Variants in FBXL20 observed in about 807,000 individuals in gnomAD.
FBXL20 encodes F-box/LRR-repeat protein 20.
Under a neutral mutation model 64.0 loss-of-function variants are expected in FBXL20, and 11 were observed. The observed-to-expected ratio is 0.17, with a 90% confidence interval of 0.11 to 0.28. The LOEUF (loss-of-function observed/expected upper bound fraction) is 0.28. Among genes scored for constraint, FBXL20 ranks in the 10% least tolerant of loss-of-function variants. The pLI is 1.00. For missense variants in FBXL20, 303 were observed against 526.2 expected (o/e 0.58, Z 4.15); for synonymous variants, 184 against 189.0 (o/e 0.97, Z 0.22).
chr17:39,272,456 C>A (rs566828546), intron 10 of FBXL20, among the ~76,000 whole-genome samples: 1 of 149,592 alleles, frequency 6.7e-6, no homozygotes, highest in African/African-American at 2.5e-5. Context: ...GCCTGTAATC[C>A]CAGAACTTTG....
chr17:39,259,508 A>G lies in FBXL20; in HGVS notation c.*1952T>C, dbSNP rs2046726036. 6.6e-6 allele frequency: 1 copy of G among 152,006 alleles called. No homozygotes were observed. Among genetic ancestry groups the G allele is most frequent in the South Asian group, 2.1e-4 (1 of 4,826 alleles). The allele number at this position is 152,006 out of a possible 1,614,324, so 9.4% of individuals were successfully genotyped here. A position where few individuals can be genotyped will look rare whatever the true frequency, so the allele number is the denominator to read the frequency against. On this transcript the variant is annotated 3_prime_UTR_variant, in exon 15 of 15. Coordinates refer to ENST00000264658, the MANE Select transcript of FBXL20 (RefSeq NM_032875.3). Reference sequence around the variant, plus strand: ...TTTAAAAACTCATTTTACTTCCTTTATCCTCTGATTTTTTGGGAAGACAGA... The same window carrying G: ...TTTAAAAACTCATTTTACTTCCTTTGTCCTCTGATTTTTTGGGAAGACAGA...
chr17:39,394,048 T>C (rs1283361943), intron 1 of FBXL20, among the ~76,000 whole-genome samples: 1 of 152,146 alleles, frequency 6.6e-6, no homozygotes, highest in Non-Finnish European at 1.5e-5. Context: ...GAGCCAATAT[T>C]TGGGTGGGAG....
chr17:39,390,486 G>A (rs2048123629), intron 1 of FBXL20, among the ~76,000 whole-genome samples: 1 of 151,864 alleles, frequency 6.6e-6, no homozygotes, highest in Non-Finnish European at 1.5e-5. Context: ...ACTTTAACCT[G>A]GGAGGCAGAG....
intron 1 of FBXL20, among the ~76,000 whole-genome samples, chr17:39,347,909 T>C (rs913358541): frequency 2.0e-5 from 3 of 152,142 alleles, no homozygotes; most frequent in South Asian, 2.1e-4. Context: ...TTTCTACATA[T>C]GGCAAGCCAG....
chr17:39,397,283 T>C (rs532462408), intron 1 of FBXL20, among the ~76,000 whole-genome samples: 1 of 152,288 alleles, frequency 6.6e-6, no homozygotes, highest in South Asian at 2.1e-4. Context: ...TTGCACATAA[T>C]ATTACAGATT....
chr17:39,344,450 A>G (rs1175166049), intron 1 of FBXL20, among the ~76,000 whole-genome samples: 1 of 152,054 alleles, frequency 6.6e-6, no homozygotes, highest in Non-Finnish European at 1.5e-5. Context: ...CTTGGCTCAC[A>G]TTTACTTGCT....
intron 11 of FBXL20, among the ~76,000 whole-genome samples, chr17:39,269,411 T>C (rs1218205701): frequency 2.6e-5 from 4 of 151,980 alleles, no homozygotes; most frequent in Non-Finnish European, 4.4e-5. Flanking sequence ...GCCAGGATGG[T>C]CTCGATCTCC....
chr17:39,342,191 A>T (rs1422143968), intron 2 of FBXL20, among the ~76,000 whole-genome samples: 1 of 152,152 alleles, frequency 6.6e-6, no homozygotes, highest in East Asian at 1.9e-4. Context: ...AGAAGTAATA[A>T]AAAATAAAAA....
At chr17:39,315,834 AG>A (rs2047284516) in intron 2 of FBXL20, among the ~76,000 whole-genome samples, 5 of 43,026 alleles carry the variant, frequency 1.2e-4, no homozygotes, top group Admixed American at 1.1e-3. Flanking sequence ...AGAGACAGAG[AG>A]AGAGAGAGAG....
intron 2 of FBXL20, among the ~76,000 whole-genome samples, chr17:39,308,914 A>G (rs2047207438): frequency 1.3e-5 from 2 of 151,946 alleles, no homozygotes; most frequent in South Asian, 4.2e-4. Context: ...CCATTCATAC[A>G]AGTATTATAG....
intron 2 of FBXL20, among the ~76,000 whole-genome samples, chr17:39,316,314 C>CACA (rs1195817325): frequency 1.3e-5 from 2 of 151,884 alleles, no homozygotes; most frequent in Non-Finnish European, 2.9e-5. Flanking sequence ...CACACACACA[C>CACA]ATTTTTTTCT....
chr17:39,352,717 A>T (rs1345581452), intron 1 of FBXL20, among the ~76,000 whole-genome samples: 1 of 151,702 alleles, frequency 6.6e-6, no homozygotes, highest in Non-Finnish European at 1.5e-5. Flanking sequence ...AAAAAAAAGG[A>T]AAGAAATACT....
intron 1 of FBXL20, among the ~76,000 whole-genome samples, chr17:39,378,440 T>C (rs1047524419): frequency 1.3e-5 from 2 of 151,932 alleles, no homozygotes; most frequent in East Asian, 3.9e-4. Context: ...CCCCATCTCT[T>C]GAAAATATAA....
At chr17:39,276,083 C>A (rs1034101768) in intron 9 of FBXL20, among the ~76,000 whole-genome samples, 1 of 151,274 alleles carries the variant, frequency 6.6e-6, no homozygotes, top group Non-Finnish European at 1.5e-5. Context: ...CCTGTCTCTA[C>A]TAAAAATACA....
intron 1 of FBXL20, among the ~76,000 whole-genome samples, chr17:39,390,952 C>T (rs2048127961): frequency 1.3e-5 from 2 of 151,984 alleles, no homozygotes; most frequent in South Asian, 4.1e-4. Context: ...GAAGCTGAGG[C>T]AGAGAACTGC....
intron 1 of FBXL20, among the ~76,000 whole-genome samples, chr17:39,395,425 AAAAT>A (rs1325388919): frequency 1.3e-5 from 2 of 152,232 alleles, no homozygotes; most frequent in African/African-American, 4.8e-5. Context: ...CTCCGTCTCA[AAAAT>A]AAATAAATAA....
intron 1 of FBXL20, among the ~76,000 whole-genome samples, chr17:39,378,570 C>T (rs2047992437): frequency 6.6e-6 from 1 of 151,902 alleles, no homozygotes; most frequent in African/African-American, 2.4e-5. Flanking sequence ...AGCAAAAACA[C>T]AATGAGATAC....
chr17:39,265,125 G>A (rs1053723468), intron 13 of FBXL20, among the ~76,000 whole-genome samples: 1 of 152,176 alleles, frequency 6.6e-6, no homozygotes, highest in Non-Finnish European at 1.5e-5. Context: ...ACATCATTCA[G>A]GTTGGAGTAT....
In FBXL20 at chr17:39,257,716, T is replaced by C. The variant is rs1023634574; in HGVS notation, c.*3744A>G. 1.3e-5 allele frequency: 2 copies of C among 152,280 alleles called. No individual in the cohort carries two copies. Among genetic ancestry groups the C allele is most frequent in the African/African-American group, 2.4e-5 (1 of 41,454 alleles). The allele number at this position is 152,280 out of a possible 1,614,324, so 9.4% of individuals were successfully genotyped here. A position where few individuals can be genotyped will look rare whatever the true frequency, so the allele number is the denominator to read the frequency against. ...CCTAACAGTCACTGAACTTTAAGGC[T>C]GCCTTTGACAGCCCCTGGAGTAGGA... is the stretch of plus-strand genomic sequence containing the variant. On this transcript the variant is annotated 3_prime_UTR_variant, in exon 15 of 15. Transcript: ENST00000264658.
Sources: allele counts gnomAD v4.1 joint callset (sites outside exome capture counted in the v4.1 genomes callset), GRCh38; gene constraint gnomAD v4.1.1; transcripts MANE v1.5; gene names NCBI Gene and HGNC (gene_info 2026-07-23, HGNC 2026-07-21).